The following OR8G1 variants were observed in gnomAD, a reference collection of about 807,000 sequenced individuals.
The protein encoded by OR8G1 is olfactory receptor family 8 subfamily G member 1.
For missense variants in OR8G1, 372 were observed against 356.2 expected (o/e 1.04, Z -0.36); for synonymous variants, 129 against 133.3 (o/e 0.97, Z 0.22).
chr11:124,250,347 C>T lies in OR8G1; in HGVS notation c.672C>T (p.Ser224=), dbSNP rs773193496. The change falls in exon 3 of 3, where the codon AGC becomes AGT. Residue 224 remains serine (S), a synonymous_variant. Transcript: ENST00000641972. Reference sequence around the variant, plus strand: ...GCTCTTACATCTTTATTATTGCCAGCATCCTCCACATTCGCTCCACTGAGG... The same window carrying T: ...GCTCTTACATCTTTATTATTGCCAGTATCCTCCACATTCGCTCCACTGAGG... ...ILCSYIFIIA[S]ILHIRSTEGR... 1 of 1,613,798 alleles carries T rather than the reference C, an allele frequency of 6.2e-7. No individual in the cohort carries two copies. Among genetic ancestry groups the T allele is most frequent in the Admixed American group, 1.7e-5 (1 of 59,982 alleles).
rs928339624 is a variant in OR8G1 at position 124,249,932 on chromosome 11, T to C, written c.257T>C (p.Val86Ala). The change falls in exon 3 of 3, where the codon GTG becomes GCG. Residue 86 changes from valine to alanine, a missense_variant. Transcript: ENST00000641972. ...VITPKMLVNF[V>A]TEKNIISYPE... is the part of the protein sequence containing the mutation. ...ACCCCTAAGATGCTGGTGAACTTTG[T>C]GACAGAGAAGAACATCATCTCCTAC... 8 of 1,613,932 alleles carry C rather than the reference T, an allele frequency of 5.0e-6. No homozygotes were observed. Among genetic ancestry groups the C allele is most frequent in the Admixed American group, 1.7e-5 (1 of 59,956 alleles).
chr11:124,243,830 A>C (rs914271632), intron 1 of OR8G1, among the ~76,000 whole-genome samples: 2 of 151,980 alleles, frequency 1.3e-5, no homozygotes, highest in African/African-American at 2.4e-5. Flanking sequence ...ATGGCTGAAT[A>C]AAAGAGCGAG....
At chr11:124,249,622 C>G in intron 2 of OR8G1, 38 bp from the exon 3 acceptor site, 1 of 1,535,150 alleles carries the variant, frequency 6.5e-7, no homozygotes, top group Non-Finnish European at 8.7e-7. Context: ...CTCCCACAAC[C>G]ATGGGGTTTT....
At position 124,244,867 on chromosome 11, in the gene OR8G1, A is replaced by G. The variant is rs148348598; in HGVS notation, c.-96-2934A>G. On this transcript the variant is annotated intron_variant, in intron 1 of 2. Transcript: ENST00000641972. The stretch of plus-strand genomic sequence containing the variant: ...TTCAGTGCTTTGTTGGTGTCTTAAC[A>G]TATTGATGATCTGTTTAGATGTTCT... 6.5e-3 allele frequency among the ~76,000 whole-genome samples: 990 copies of G among 152,062 alleles called. 17 individuals carry two copies. Among genetic ancestry groups the G allele is most frequent in the Admixed American group, 0.037 (570 of 15,222 alleles).
chr11:124,244,023 G>A (rs1861786628), intron 1 of OR8G1, among the ~76,000 whole-genome samples: 1 of 146,672 alleles, frequency 6.8e-6, no homozygotes, highest in Admixed American at 6.9e-5. Flanking sequence ...AGGAAAGGAT[G>A]GAGAGAGGGA....
At chr11:124,241,441 A>G (rs930155794) in intron 1 of OR8G1, 77 bp downstream of exon 1, 2 of 152,122 alleles carry the variant, frequency 1.3e-5, no homozygotes, top group Non-Finnish European at 2.9e-5. Flanking sequence ...TCAGGAAACT[A>G]TTATTCCTCA....
chr11:124,244,324 A>G (rs908025105), intron 1 of OR8G1, among the ~76,000 whole-genome samples: 2 of 151,996 alleles, frequency 1.3e-5, no homozygotes, highest in Admixed American at 1.3e-4. Flanking sequence ...TTACATTTTT[A>G]CATTCATCAA....
intron 1 of OR8G1, among the ~76,000 whole-genome samples, chr11:124,246,866 C>G (rs1246692871): frequency 5.3e-5 from 2 of 37,570 alleles, no homozygotes; most frequent in African/African-American, 4.1e-4. Flanking sequence ...AAAGAAATAG[C>G]TAAAAAAAAA....
At position 124,250,292 on chromosome 11, in the gene OR8G1, A is replaced by G. The variant is rs1861855636; in HGVS notation, c.617A>G (p.Asn206Ser). The G allele has an allele frequency of 1.2e-6, 2 of 1,613,584 alleles. No homozygotes were observed. Among genetic ancestry groups the G allele is most frequent in the African/African-American group, 1.3e-5 (1 of 74,884 alleles). ...KLLILCVGAF[N>S]ILVPSLTILC... ...CTTATTCTATGTGTTGGTGCATTTA[A>G]CATCCTTGTCCCCAGCCTGACCATC... is the stretch of plus-strand genomic sequence containing the variant. Residue 206 changes from asparagine (N) to serine (S), a missense_variant, in exon 3 of 3, where the codon AAC (asparagine) becomes AGC (serine). By Grantham distance (46) the Asn-to-Ser change is conservative. Coordinates refer to ENST00000641972, the MANE Select transcript of OR8G1 (RefSeq NM_001002905.2).
chr11:124,249,423 AAAG>A (rs5795410), intron 2 of OR8G1, among the ~76,000 whole-genome samples: 77,353 of 151,594 alleles, frequency 0.51, 20,349 homozygotes, highest in South Asian at 0.7. Context: ...GAAATATTTA[AAAG>A]AAGAAAGGGA....
rs1861842749 is a variant in OR8G1, at chr11:124,249,513, T to G, written c.-16-147T>G. ...ACATTTATTATATTTGAAAATAAGA[T>G]TAAATAAATATTATTTGAGGTAAAC... is the stretch of plus-strand genomic sequence containing the variant. On this transcript the variant is annotated intron_variant, in intron 2 of 2. Coordinates refer to ENST00000641972, the MANE Select transcript of OR8G1 (RefSeq NM_001002905.2). The G allele has an allele frequency of 2.2e-5, 15 of 666,890 alleles. 1 individual carries two copies. In the East Asian group the frequency reaches 4.3e-4, roughly 19 times the overall value. The allele number at this position is 666,890 out of a possible 1,614,324, so 41.3% of individuals were successfully genotyped here.
intron 1 of OR8G1, among the ~76,000 whole-genome samples, chr11:124,243,048 G>A (rs1861775086): frequency 6.7e-6 from 1 of 149,202 alleles, no homozygotes; most frequent in Non-Finnish European, 1.5e-5. Flanking sequence ...CTTCCCAGCT[G>A]TAATCCCTAC....
chr11:124,241,913 A>G (rs1378526953), intron 1 of OR8G1, among the ~76,000 whole-genome samples: 2 of 152,068 alleles, frequency 1.3e-5, no homozygotes, highest in African/African-American at 4.8e-5. Context: ...CCTAAGTGTA[A>G]TTAAGGCAAC....
At chr11:124,247,582 G>A (rs1374139354) in intron 1 of OR8G1, among the ~76,000 whole-genome samples, 3 of 151,712 alleles carry the variant, frequency 2.0e-5, no homozygotes, top group Non-Finnish European at 4.4e-5. Flanking sequence ...AAACATTTAA[G>A]GTATTTTGGG....
At position 124,251,701 on chromosome 11, in the gene OR8G1, CAT is replaced by C. The variant is rs764504626; in HGVS notation, c.*1092_*1093del. ...ATATGTTTGATGCCTGATGGGTAAA[CAT>C]AGCAAATCTGGTGATAGAGTTGGAA... On this transcript the variant is annotated 3_prime_UTR_variant, in exon 3 of 3. Coordinates refer to ENST00000641972, the MANE Select transcript of OR8G1 (RefSeq NM_001002905.2). 40 of 189,634 alleles carry C rather than the reference CAT, an allele frequency of 2.1e-4. No individual in the cohort carries two copies. The highest frequency in any genetic ancestry group is 4.4e-4 in the Non-Finnish European group (39 of 88,708). The allele number at this position is 189,634 out of a possible 1,614,324, so 11.7% of individuals were successfully genotyped here.
chr11:124,246,019 A>C (rs1216440677), intron 1 of OR8G1, among the ~76,000 whole-genome samples: 1 of 136,456 alleles, frequency 7.3e-6, no homozygotes, highest in East Asian at 2.1e-4. Context: ...CTTTAGTTTA[A>C]TTAGATCCCA....
Position 124,250,230 on chromosome 11 carries a change from A to G in OR8G1, c.555A>G (p.Leu185=). ...NHYFCDLLPL[L]KLSCSSIYVN... is the part of the protein sequence containing the mutation. ...ATTTCTGTGATCTTCTTCCCCTCCT[A>G]AAGCTCTCTTGCTCTAGTATCTATG... Residue 185 remains leucine, a synonymous_variant, in exon 3 of 3, where the codon CTA becomes CTG. Transcript: ENST00000641972. The G allele has an allele frequency of 6.2e-7, 1 of 1,613,662 alleles. No homozygotes were observed.
rs1405557929 is a variant in OR8G1, at chr11:124,249,805, G to T, written c.130G>T (p.Gly44Cys). The T allele has an allele frequency of 1.2e-6, 2 of 1,613,896 alleles. No individual in the cohort carries two copies. The highest frequency in any genetic ancestry group is 1.3e-5 in the African/African-American group (1 of 74,982). ...IYVVTVVGNL[G>C]MTTLIWLSSH... ...TGTGGTCACAGTGGTGGGCAACCTG[G>T]GCATGACCACACTGATTTGGCTCAG... Residue 44 changes from glycine to cysteine, a missense_variant, in exon 3 of 3, where the codon GGC (glycine) becomes TGC (cysteine). Coordinates refer to ENST00000641972, the MANE Select transcript of OR8G1 (RefSeq NM_001002905.2).
rs1440982580 is a variant in OR8G1 at position 124,252,602 on chromosome 11, TAC to T, written c.*1996_*1997del. ...ATGGACTATAAGCTCGAGTAGAGAA[TAC>T]ACACTCAAATATTTATTAATGATTA... On this transcript the variant is annotated 3_prime_UTR_variant, in exon 3 of 3. Coordinates refer to ENST00000641972, the MANE Select transcript of OR8G1 (RefSeq NM_001002905.2). 2.0e-5 allele frequency: 3 copies of T among 152,158 alleles called. No homozygotes were observed. Among genetic ancestry groups the T allele is most frequent in the Non-Finnish European group, 4.4e-5 (3 of 68,022 alleles). 9.4% of individuals were successfully genotyped at this position (152,158 alleles called of 1,614,324 possible).
Sources: allele counts gnomAD v4.1 joint callset (sites outside exome capture counted in the v4.1 genomes callset), GRCh38; gene constraint gnomAD v4.1.1; transcripts MANE v1.5; gene names NCBI Gene and HGNC (gene_info 2026-07-23, HGNC 2026-07-21).